The following NFKB1 variants were observed in gnomAD, a reference collection of about 807,000 sequenced individuals.
NFKB1 encodes nuclear factor kappa B subunit 1.
Under a neutral mutation model 105.1 loss-of-function variants are expected in NFKB1, and 9 were observed. The observed-to-expected ratio is 0.09, with a 90% CI of 0.05 to 0.15. The LOEUF is 0.15. NFKB1 is among the 10% of genes least tolerant of loss of function. The pLI, the probability that NFKB1 is intolerant of heterozygous loss-of-function variation, is 1.00. For synonymous variants in NFKB1, 440 were observed against 442.2 expected (o/e 1.00, Z 0.06); for missense variants, 830 against 1,203.7 (o/e 0.69, Z 4.59).
chr4:102,549,574 G>A (rs1306087161), intron 5 of NFKB1, among the ~76,000 whole-genome samples: 3 of 151,656 alleles, frequency 2.0e-5, no homozygotes, highest in South Asian at 2.1e-4. Context: ...TATGGGGGGA[G>A]GGGTGTTTCT....
intron 1 of NFKB1, among the ~76,000 whole-genome samples, chr4:102,510,181 C>T (rs1222003380): frequency 6.6e-6 from 1 of 152,196 alleles, no homozygotes; most frequent in Non-Finnish European, 1.5e-5. Context: ...TTTCTCCCTC[C>T]CCTTTCCATA....
At chr4:102,612,244 A>G (rs1332002278) in intron 21 of NFKB1, 134 bp downstream of exon 21, 2 of 964,202 alleles carry the variant, frequency 2.1e-6, no homozygotes, top group Non-Finnish European at 3.1e-6. Context: ...GGAGGTAGAT[A>G]AGGAGAATAT....
rs1578785302 is a variant in NFKB1 at position 102,576,987 on chromosome 4, C to T, written c.519C>T (p.His173=). Residue 173 remains histidine (H), a synonymous_variant, in exon 7 of 24, where the codon CAC becomes CAT. Transcript: ENST00000226574. ...GCTATAATCCTGGACTCTTGGTGCACCCTGACCTTGCCTATTTGCAAGCAG... is the reference window on the plus strand; with the variant it reads ...GCTATAATCCTGGACTCTTGGTGCATCCTGACCTTGCCTATTTGCAAGCAG... The part of the protein sequence containing the change: ...IRGYNPGLLV[H]PDLAYLQAEG... 4 of 1,613,554 alleles carry T rather than the reference C, an allele frequency of 2.5e-6. No homozygotes were observed. Among genetic ancestry groups the T allele is most frequent in the South Asian group, 1.1e-5 (1 of 90,968 alleles).
intron 5 of NFKB1, among the ~76,000 whole-genome samples, chr4:102,546,559 T>G (rs1417070961): frequency 1.3e-5 from 2 of 152,162 alleles, no homozygotes; most frequent in Non-Finnish European, 1.5e-5. Context: ...TGAAAACTAC[T>G]GGGGCGCCGT....
intron 23 of NFKB1, among the ~76,000 whole-genome samples, chr4:102,615,105 G>T (rs1313444962): frequency 6.6e-6 from 1 of 151,962 alleles, no homozygotes; most frequent in Admixed American, 6.6e-5. Flanking sequence ...CCCAACAGAC[G>T]GTATGATTCT....
chr4:102,514,275 C>T (rs2149101114), intron 1 of NFKB1, among the ~76,000 whole-genome samples: 1 of 152,186 alleles, frequency 6.6e-6, no homozygotes, highest in East Asian at 1.9e-4. Context: ...AGTTTTGTTC[C>T]TAAGCCTTCT....
chr4:102,560,872 A>G (rs1331446915), intron 5 of NFKB1, among the ~76,000 whole-genome samples: 1 of 152,248 alleles, frequency 6.6e-6, no homozygotes, highest in Admixed American at 6.5e-5. Flanking sequence ...AATAGTACCT[A>G]CCATGTACCA....
chr4:102,508,426 A>AT lies in NFKB1; in HGVS notation c.-8+6644dup, dbSNP rs558141252. On this transcript the variant is annotated intron_variant, in intron 1 of 23. Coordinates refer to ENST00000226574, the MANE Select transcript of NFKB1 (RefSeq NM_003998.4). ...AAGAATTAAAATTAAATTACACTTAATTTTTTGCTCAGTTGGATAGTCAGG... is the reference window on the plus strand; with the variant it reads ...AAGAATTAAAATTAAATTACACTTAATTTTTTTGCTCAGTTGGATAGTCAGG... 4.6e-5 allele frequency among the ~76,000 whole-genome samples: 7 copies of AT among 152,296 alleles called. No homozygotes were observed. In the South Asian group the frequency reaches 1.5e-3, roughly 32 times the overall value.
intron 7 of NFKB1, 108 bp downstream of exon 7, chr4:102,577,147 G>C: frequency 1.7e-6 from 2 of 1,147,192 alleles, no homozygotes; most frequent in Non-Finnish European, 2.4e-6. Context: ...ACCCCACACT[G>C]CTGTCACCTT....
rs1741460789 is a variant in NFKB1 at position 102,533,857 on chromosome 4, A to T, written c.131A>T (p.Tyr44Phe). The T allele has an allele frequency of 1.9e-6, 3 of 1,612,466 alleles. No homozygotes were observed. The highest frequency in any genetic ancestry group is 2.5e-6 in the Non-Finnish European group (3 of 1,179,366). Reference protein sequence around the residue: ...QMALPTADGPYLQILEQPKQR... With the variant: ...QMALPTADGPFLQILEQPKQR... ...TTTTTGTTTTTAGCAGATGGCCCAT[A>T]CCTTCAAATATTAGAGCAACCTAAA... Residue 44 changes from tyrosine to phenylalanine, a missense_variant, in exon 4 of 24, where the codon TAC becomes TTC. Tyr to Phe is a conservative substitution (Grantham distance 22, BLOSUM62 3). This residue lies in a region of NFKB1 where 15 missense variants were observed against 45.9 expected (regional missense o/e 0.33). Coordinates refer to ENST00000226574, the MANE Select transcript of NFKB1 (RefSeq NM_003998.4).
At chr4:102,595,859 A>T (rs1726567215) in intron 13 of NFKB1, among the ~76,000 whole-genome samples, 1 of 152,262 alleles carries the variant, frequency 6.6e-6, no homozygotes, top group Non-Finnish European at 1.5e-5. Flanking sequence ...CCTGCAATTC[A>T]TAGAAGAGCT....
intron 5 of NFKB1, among the ~76,000 whole-genome samples, chr4:102,543,055 G>A (rs574665214): frequency 1.3e-5 from 2 of 152,212 alleles, no homozygotes; most frequent in Admixed American, 6.5e-5. Context: ...AATAGGAGAG[G>A]CTGGCAGAAA....
At chr4:102,564,678 T>C (rs976218159) in intron 5 of NFKB1, among the ~76,000 whole-genome samples, 3 of 152,242 alleles carry the variant, frequency 2.0e-5, no homozygotes, top group African/African-American at 2.4e-5. Context: ...CTCGGACCTC[T>C]TTCCTTCAGT....
chr4:102,602,255 G>A (rs1333979753), intron 16 of NFKB1, among the ~76,000 whole-genome samples: 1 of 151,446 alleles, frequency 6.6e-6, no homozygotes, highest in Non-Finnish European at 1.5e-5. Context: ...TTTAGGCTGG[G>A]TGCGGTGGCT....
At chr4:102,584,551 G>A in intron 10 of NFKB1, 131 bp from the exon 11 acceptor site, 1 of 846,744 alleles carries the variant, frequency 1.2e-6, no homozygotes, top group Non-Finnish European at 1.7e-6. Context: ...AGGACACGGT[G>A]TTTTTTAGTA....
At chr4:102,589,743 C>CAA (rs11449359) in intron 11 of NFKB1, among the ~76,000 whole-genome samples, 1 of 150,554 alleles carries the variant, frequency 6.6e-6, no homozygotes. Flanking sequence ...CAGCACTAAT[C>CAA]AAAAAAAAGA....
At chr4:102,561,604 T>C (rs1723451155) in intron 5 of NFKB1, among the ~76,000 whole-genome samples, 1 of 152,096 alleles carries the variant, frequency 6.6e-6, no homozygotes, top group Admixed American at 6.6e-5. Context: ...GAAATGTGAA[T>C]AGTTTGTTGA....
At chr4:102,524,030 A>T (rs1048889620) in intron 1 of NFKB1, among the ~76,000 whole-genome samples, 2 of 142,704 alleles carry the variant, frequency 1.4e-5, no homozygotes, top group Non-Finnish European at 3.1e-5. Flanking sequence ...AGACTTTATG[A>T]AAAAAAAAAA....
chr4:102,612,790 G>T (rs1013836398), intron 22 of NFKB1, among the ~76,000 whole-genome samples, 184 bp downstream of exon 22: 1 of 152,146 alleles, frequency 6.6e-6, no homozygotes, highest in African/African-American at 2.4e-5. Flanking sequence ...GCTGTTTTCA[G>T]ATACCTTCAG....
Sources: allele counts gnomAD v4.1 joint callset (sites outside exome capture counted in the v4.1 genomes callset), GRCh38; gene constraint gnomAD v4.1.1; regional missense constraint gnomAD v4.1.1; transcripts MANE v1.5; gene names NCBI Gene and HGNC (gene_info 2026-07-23, HGNC 2026-07-21).